The following HSPB8 variants were observed in gnomAD, a reference collection of about 807,000 sequenced individuals.
HSPB8 encodes heat shock protein beta-8.
A neutral mutation model predicts 16.5 loss-of-function variants in HSPB8; 9 were observed. That is an observed-to-expected ratio of 0.55 (90% CI 0.33 to 0.95). The LOEUF is 0.95. HSPB8 is among the 40% of genes least tolerant of loss of function. The pLI is 0.03. For missense variants in HSPB8, 238 were observed against 251.2 expected (o/e 0.95, Z 0.35); for synonymous variants, 99 against 94.8 (o/e 1.04, Z -0.26).
intron 1 of HSPB8, among the ~76,000 whole-genome samples, chr12:119,183,973 T>C (rs1289028392): frequency 2.6e-5 from 4 of 152,242 alleles, no homozygotes; most frequent in Admixed American, 6.5e-5. Context: ...TGTGACTCGC[T>C]TTCATTTGCT....
intron 2 of HSPB8, among the ~76,000 whole-genome samples, chr12:119,192,392 C>T (rs1319663247): frequency 2.0e-5 from 3 of 152,080 alleles, no homozygotes; most frequent in Admixed American, 6.6e-5. Context: ...CTCGGTGGCT[C>T]ACGCCTGTTA....
At chr12:119,187,222 C>T (rs1954682349) in intron 2 of HSPB8, 134 bp downstream of exon 2, 4 of 732,808 alleles carry the variant, frequency 5.5e-6, no homozygotes, top group African/African-American at 3.5e-5. Flanking sequence ...ATTGAACCCT[C>T]ACACCTAACG....
At chr12:119,186,364 G>A (rs755755789) in intron 1 of HSPB8, among the ~76,000 whole-genome samples, 4 of 152,214 alleles carry the variant, frequency 2.6e-5, no homozygotes, top group South Asian at 4.1e-4. Context: ...AGAGCTAATC[G>A]GGAGCTGGAA....
intron 1 of HSPB8, 97 bp downstream of exon 1, chr12:119,179,776 G>C: frequency 6.8e-7 from 1 of 1,477,106 alleles, no homozygotes; most frequent in Non-Finnish European, 9.0e-7. Flanking sequence ...GCTGACGTTG[G>C]GACAGTGTGA....
At chr12:119,187,256 T>C (rs1313645588) in intron 2 of HSPB8, among the ~76,000 whole-genome samples, 168 bp downstream of exon 2, 2 of 152,132 alleles carry the variant, frequency 1.3e-5, no homozygotes, top group Non-Finnish European at 2.9e-5. Context: ...CCAGCAGACC[T>C]GTAATAGGGT....
At chr12:119,189,202 G>C (rs548428337) in intron 2 of HSPB8, among the ~76,000 whole-genome samples, 1 of 152,238 alleles carries the variant, frequency 6.6e-6, no homozygotes, top group African/African-American at 2.4e-5. Flanking sequence ...GGGGGAAGCT[G>C]ATGTCAAGGC....
Position 119,194,331 on chromosome 12 carries a change from G to T in HSPB8, c.*473G>T. 1 of 251,900 alleles carries T rather than the reference G, an allele frequency of 4.0e-6. No homozygotes were observed. Among genetic ancestry groups the T allele is most frequent in the South Asian group, 5.2e-5 (1 of 19,406 alleles). The allele number at this position is 251,900 out of a possible 1,614,324, so 15.6% of individuals were successfully genotyped here. On this transcript the variant is annotated 3_prime_UTR_variant, in exon 3 of 3. Coordinates refer to ENST00000281938, the MANE Select transcript of HSPB8 (RefSeq NM_014365.3). Reference sequence around the variant, plus strand: ...AACCCCACTGTGCTTCCACATGCCTGGCCTAAAATGGGTGATATACAGGTC... The same window carrying T: ...AACCCCACTGTGCTTCCACATGCCTTGCCTAAAATGGGTGATATACAGGTC...
chr12:119,183,140 T>C (rs2136082034), intron 1 of HSPB8: 1 of 152,384 alleles, frequency 6.6e-6, no homozygotes, highest in Non-Finnish European at 1.5e-5. Flanking sequence ...AACAAAATTA[T>C]AAACAGGTCT....
chr12:119,190,010 G>A (rs1242970015), intron 2 of HSPB8, among the ~76,000 whole-genome samples: 1 of 152,198 alleles, frequency 6.6e-6, no homozygotes, highest in Non-Finnish European at 1.5e-5. Context: ...GGCTCCATGA[G>A]AAAGTGAGTG....
intron 1 of HSPB8, 94 bp from the exon 2 acceptor site, chr12:119,186,931 G>T: frequency 8.6e-7 from 1 of 1,169,510 alleles, no homozygotes; most frequent in African/African-American, 1.5e-5. Context: ...ACACAGCAAG[G>T]CAGGTCCAGG....
rs371236491 is a variant in HSPB8, at chr12:119,179,459, C to T, written c.147C>T (p.Pro49=). The T allele has an allele frequency of 9.3e-6, 15 of 1,613,938 alleles. No homozygotes were observed. Among genetic ancestry groups the T allele is most frequent in the African/African-American group, 6.7e-5 (5 of 74,918 alleles). The part of the protein sequence containing the change: ...PFPDDLTASW[P]DWALPRLSSA... The stretch of plus-strand genomic sequence containing the variant: ...CAGACGACTTGACAGCCTCTTGGCC[C>T]GACTGGGCTCTGCCTCGTCTCTCCT... Residue 49 remains proline (P), a synonymous_variant, in exon 1 of 3, where the codon CCC becomes CCT. Coordinates refer to ENST00000281938, the MANE Select transcript of HSPB8 (RefSeq NM_014365.3).
At chr12:119,183,332 C>G (rs774704364) in intron 1 of HSPB8, 1 of 152,252 alleles carries the variant, frequency 6.6e-6, no homozygotes, top group Non-Finnish European at 1.5e-5. Context: ...CAACCACCAG[C>G]CAAGAAATGT....
intron 2 of HSPB8, among the ~76,000 whole-genome samples, chr12:119,188,349 C>G (rs1052880218): frequency 4.6e-5 from 7 of 151,138 alleles, no homozygotes; most frequent in Non-Finnish European, 8.8e-5. Context: ...TGGGTTCAAG[C>G]AATTCTCCGG....
chr12:119,185,714 T>A (rs1439964977), intron 1 of HSPB8, among the ~76,000 whole-genome samples: 1 of 152,104 alleles, frequency 6.6e-6, no homozygotes, highest in African/African-American at 2.4e-5. Context: ...CCTCGAGTCA[T>A]CCTCCTGTCT....
intron 1 of HSPB8, among the ~76,000 whole-genome samples, chr12:119,184,582 A>C (rs1183689087): frequency 6.6e-6 from 1 of 151,996 alleles, no homozygotes; most frequent in African/African-American, 2.4e-5. Context: ...CACAAGGTAG[A>C]CTCTTTAAGC....
chr12:119,181,123 A>G (rs1281061178), intron 1 of HSPB8, among the ~76,000 whole-genome samples: 1 of 152,220 alleles, frequency 6.6e-6, no homozygotes, highest in African/African-American at 2.4e-5. Context: ...GTGATGCTGT[A>G]AAATGTGTAC....
Position 119,179,429 on chromosome 12 carries a change from C to A in HSPB8, c.117C>A (p.Pro39=), listed in dbSNP as rs775152699. Residue 39 remains proline (P), a synonymous_variant, in exon 1 of 3, where the codon CCC becomes CCA. Transcript: ENST00000281938. ...TGGATGATGGCTTTGGCATGGACCC[C>A]TTCCCAGACGACTTGACAGCCTCTT... is the stretch of plus-strand genomic sequence containing the variant. The part of the protein sequence containing the change: ...RLLDDGFGMD[P]FPDDLTASWP... 2.5e-6 allele frequency: 4 copies of A among 1,614,138 alleles called. No homozygotes were observed. The highest frequency in any genetic ancestry group is 2.5e-6 in the Non-Finnish European group (3 of 1,180,040).
At chr12:119,188,364 A>G (rs1304985231) in intron 2 of HSPB8, among the ~76,000 whole-genome samples, 2 of 151,450 alleles carry the variant, frequency 1.3e-5, no homozygotes, top group Non-Finnish European at 2.9e-5. Flanking sequence ...CTCCGGCCTC[A>G]ATCTCCCAAG....
At chr12:119,180,737 C>T (rs1841616694) in intron 1 of HSPB8, among the ~76,000 whole-genome samples, 1 of 152,198 alleles carries the variant, frequency 6.6e-6, no homozygotes, top group African/African-American at 2.4e-5. Flanking sequence ...TCCTGATTAA[C>T]ACTCCATTAA....
Sources: allele counts gnomAD v4.1 joint callset (sites outside exome capture counted in the v4.1 genomes callset), GRCh38; gene constraint gnomAD v4.1.1; transcripts MANE v1.5; gene names NCBI Gene and HGNC (gene_info 2026-07-23, HGNC 2026-07-21).